The following MVB12B variants were observed in gnomAD, a reference collection of about 807,000 sequenced individuals.
MVB12B encodes the protein multivesicular body subunit 12B.
In MVB12B, 16 loss-of-function variants were observed where a neutral mutation model predicts 41.6. The observed-to-expected ratio is 0.38, with a 90% CI of 0.26 to 0.58. MVB12B has a LOEUF of 0.58. Among genes scored for constraint, MVB12B ranks in the 20% least tolerant of loss-of-function variants. The pLI, the probability that MVB12B is intolerant of heterozygous loss-of-function variation, is 0.62. For synonymous variants in MVB12B, 133 were observed against 139.7 expected (o/e 0.95, Z 0.34); for missense variants, 274 against 380.2 (o/e 0.72, Z 2.32).
rs1829012839 is a variant in MVB12B at position 126,327,399 on chromosome 9, C to T, written c.81+389C>T. ...CGTTTGACCGGCCTGGCCTGGGGTC[C>T]TGCTCTCTCTGGTCACGTGGGTGCA... On this transcript the variant is annotated intron_variant, in intron 1 of 9. Coordinates refer to ENST00000361171, the MANE Select transcript of MVB12B (RefSeq NM_033446.3). 3.3e-6 allele frequency: 3 copies of T among 897,836 alleles called. No individual in the cohort carries two copies. The Admixed American group carries it at 1.9e-4, about 56-fold the overall frequency. 55.6% of individuals were successfully genotyped at this position (897,836 alleles called of 1,614,324 possible).
intron 7 of MVB12B, among the ~76,000 whole-genome samples, chr9:126,435,598 C>A (rs1183598349): frequency 6.6e-6 from 1 of 151,340 alleles, no homozygotes; most frequent in African/African-American, 2.4e-5. Flanking sequence ...CTTTTTCTTT[C>A]TCTTTGGCCT....
chr9:126,411,574 G>C (rs1245397879), intron 6 of MVB12B, among the ~76,000 whole-genome samples: 1 of 152,204 alleles, frequency 6.6e-6, no homozygotes, highest in Non-Finnish European at 1.5e-5. Context: ...GAATATAACT[G>C]TAGAGGAAAT....
chr9:126,409,927 C>T (rs1372314103), intron 6 of MVB12B, among the ~76,000 whole-genome samples: 1 of 152,236 alleles, frequency 6.6e-6, no homozygotes, highest in African/African-American at 2.4e-5. Context: ...TAGTGGCCCA[C>T]TGTAATCTAA....
rs1830989461 is a variant in MVB12B at position 126,392,530 on chromosome 9, T to C, written c.539+335T>C. Among the ~76,000 whole-genome samples, 2 of 152,232 alleles carry C rather than the reference T, an allele frequency of 1.3e-5. No individual in the cohort carries two copies. The highest frequency in any genetic ancestry group is 4.1e-4 in the South Asian group (2 of 4,834). ...CCCTAGGAAAGGTCACAGGGACCTA[T>C]TTTGTACCACGGGGCCAAGGCCACT... On this transcript the variant is annotated intron_variant, in intron 5 of 9. Transcript: ENST00000361171. The surrounding 1 kb of genome is among the most constrained non-coding windows in gnomAD (Gnocchi z 4.8).
At chr9:126,489,513 G>A (rs741025) in intron 9 of MVB12B, among the ~76,000 whole-genome samples, 61,012 of 152,210 alleles carry the variant, frequency 0.4, 13,044 homozygotes, top group East Asian at 0.7. Flanking sequence ...GTTAGAATCA[G>A]TGGATGCGCC....
At chr9:126,365,667 G>A (rs539693871) in intron 2 of MVB12B, among the ~76,000 whole-genome samples, 2 of 152,110 alleles carry the variant, frequency 1.3e-5, no homozygotes, top group Non-Finnish European at 2.9e-5. Flanking sequence ...CCATGCAGTT[G>A]CTTATTAATA....
In MVB12B at chr9:126,340,836, G is replaced by C. The variant is rs1023214274; in HGVS notation, c.204+206G>C. ...GTTTCCTGGCCTTGACCACCTCTGT[G>C]ATGGTCATTTTCACCTTCTGTAAAA... On this transcript the variant is annotated intron_variant, in intron 2 of 9. Transcript: ENST00000361171. The surrounding 1 kb of genome is among the most constrained non-coding windows in gnomAD (Gnocchi z 4.0). 6.6e-6 allele frequency among the ~76,000 whole-genome samples: 1 copy of C among 152,166 alleles called. No individual in the cohort carries two copies. Among genetic ancestry groups the C allele is most frequent in the Non-Finnish European group, 1.5e-5 (1 of 68,034 alleles).
rs558815453 is a variant in MVB12B, at chr9:126,405,411, A to G, written c.662+9714A>G. 2.4e-3 allele frequency among the ~76,000 whole-genome samples: 365 copies of G among 152,284 alleles called. 2 individuals are homozygous for G. Among genetic ancestry groups the G allele is most frequent in the African/African-American group, 8.4e-3 (350 of 41,554 alleles). On this transcript the variant is annotated intron_variant, in intron 6 of 9. Transcript: ENST00000361171. ...AAAATAGTTTTCTGTGTGTCAGAAC[A>G]GATTTATCAGTTCACTTTAGGGTCG...
chr9:126,370,791 C>A (rs1246730434), intron 2 of MVB12B, among the ~76,000 whole-genome samples: 1 of 152,078 alleles, frequency 6.6e-6, no homozygotes, highest in Non-Finnish European at 1.5e-5. Context: ...TACAAAGGAT[C>A]CCTTTGGGAT....
rs1832030300 is a variant in MVB12B at position 126,421,897 on chromosome 9, A to G, written c.706A>G (p.Ser236Gly). Residue 236 changes from serine (S) to glycine (G), a missense_variant, in exon 7 of 10, where the codon AGC (serine) becomes GGC (glycine). Physicochemically the swap from Ser to Gly is moderately conservative, Grantham distance 56. Coordinates refer to ENST00000361171, the MANE Select transcript of MVB12B (RefSeq NM_033446.3). Reference sequence around the variant, plus strand: ...TCCTGCCACCTTCCGAGGCAGGAACAGCACCCGGACGGACTACGAGTACCA... The same window carrying G: ...TCCTGCCACCTTCCGAGGCAGGAACGGCACCCGGACGGACTACGAGTACCA... ...TLPATFRGRNSTRTDYEYQHS... is the reference protein window; with the variant it reads ...TLPATFRGRNGTRTDYEYQHS... 27 of 1,614,084 alleles carry G rather than the reference A, an allele frequency of 1.7e-5. No individual in the cohort carries two copies. Among genetic ancestry groups the G allele is most frequent in the Non-Finnish European group, 2.1e-5 (25 of 1,179,982 alleles).
intron 6 of MVB12B, 97 bp from the exon 7 acceptor site, chr9:126,421,757 A>C: frequency 1.1e-6 from 1 of 906,410 alleles, no homozygotes; most frequent in East Asian, 2.4e-5. Flanking sequence ...CTGCCCGCTG[A>C]TCTGTGCTGC....
At chr9:126,399,409 G>C (rs976829409) in intron 6 of MVB12B, among the ~76,000 whole-genome samples, 1 of 152,194 alleles carries the variant, frequency 6.6e-6, no homozygotes, top group Admixed American at 6.5e-5. Context: ...CCATCTCTGT[G>C]GCCCTCTTTG....
chr9:126,354,097 A>G (rs972704821), intron 2 of MVB12B, among the ~76,000 whole-genome samples: 1 of 152,214 alleles, frequency 6.6e-6, no homozygotes, highest in African/African-American at 2.4e-5. Flanking sequence ...AAGGCTGAGC[A>G]TCTTTTCATG....
At chr9:126,442,891 C>T (rs918781794) in intron 7 of MVB12B, among the ~76,000 whole-genome samples, 3 of 152,114 alleles carry the variant, frequency 2.0e-5, no homozygotes, top group African/African-American at 7.2e-5. Context: ...AACACATACT[C>T]GGGAATGGTG....
At chr9:126,372,045 C>T (rs1461982482) in intron 2 of MVB12B, among the ~76,000 whole-genome samples, 2 of 152,194 alleles carry the variant, frequency 1.3e-5, no homozygotes, top group African/African-American at 4.8e-5. Flanking sequence ...ATCAACTCTT[C>T]CTGCCCCCCA....
rs575719431 is a variant in MVB12B, at chr9:126,506,105, T to C, written c.*2842T>C. 3.9e-5 allele frequency: 6 copies of C among 152,534 alleles called. No homozygotes were observed. The South Asian group carries it at 1.2e-3, about 32-fold the overall frequency. 9.4% of individuals were successfully genotyped at this position (152,534 alleles called of 1,614,324 possible). ...CTTGCAAATGTATAATTAAGGCCTT[T>C]CTTCCCACCCCAAGTCCAAGAACAA... On this transcript the variant is annotated 3_prime_UTR_variant, in exon 10 of 10. Transcript: ENST00000361171.
At chr9:126,369,545 G>C (rs1830277017) in intron 2 of MVB12B, among the ~76,000 whole-genome samples, 1 of 152,104 alleles carries the variant, frequency 6.6e-6, no homozygotes. Flanking sequence ...TCTGAGTTTG[G>C]TGTTTTTCAT....
At chr9:126,495,164 C>T (rs1273272464) in intron 9 of MVB12B, among the ~76,000 whole-genome samples, 36 of 144,380 alleles carry the variant, frequency 2.5e-4, no homozygotes, top group African/African-American at 8.8e-4. Flanking sequence ...TGCACTCCAG[C>T]CTGGGTAACA....
At chr9:126,481,921 G>A (rs556565593) in intron 8 of MVB12B, among the ~76,000 whole-genome samples, 11 of 152,242 alleles carry the variant, frequency 7.2e-5, no homozygotes, top group Non-Finnish European at 1.2e-4. Context: ...TGCATTCTGC[G>A]CTCTGACACG....
Sources: gnomAD v4.1 joint callset for allele counts (sites outside exome capture counted in the v4.1 genomes callset) on GRCh38, gnomAD v4.1.1 for gene constraint, Gnocchi (gnomAD v3.1) non-coding constraint, MANE v1.5 for transcripts, NCBI Gene and HGNC (gene_info 2026-07-23, HGNC 2026-07-21) for gene names.